ATP7A: variants seen among roughly 807,000 people sequenced by gnomAD.
The protein encoded by ATP7A is copper-transporting ATPase 1.
Under a neutral mutation model 83.5 loss-of-function variants are expected in ATP7A, and 7 were observed. That is an observed-to-expected ratio of 0.08 (90% CI 0.05 to 0.16). The LOEUF is 0.16. Ranked by LOEUF, ATP7A falls within the 10% of genes least tolerant of loss-of-function variation. The probability of loss-of-function intolerance (pLI) is 1.00; values close to 1 mark genes in which losing one functional copy is unlikely to be tolerated. For missense variants in ATP7A, 940 were observed against 1,120.8 expected (o/e 0.84, Z 2.30); for synonymous variants, 354 against 395.2 (o/e 0.90, Z 1.24).
chrX:77,999,145 C>A (rs2077723576), intron 5 of ATP7A, among the ~76,000 whole-genome samples: 1 of 109,337 alleles, frequency 9.1e-6, no homozygotes. Context: ...TACAGGCATG[C>A]ACCACCACGC....
chrX:77,933,250 C>T (rs1318968866), intron 1 of ATP7A, among the ~76,000 whole-genome samples: 1 of 111,781 alleles, frequency 8.9e-6, no homozygotes, highest in East Asian at 2.8e-4. Flanking sequence ...GGCCACACAG[C>T]TAGCAAGCAG....
At chrX:78,025,352 C>T (rs782728303) in intron 14 of ATP7A, among the ~76,000 whole-genome samples, 1 of 111,858 alleles carries the variant, frequency 8.9e-6, no homozygotes, top group Admixed American at 9.5e-5. Context: ...GTTTTCACAC[C>T]GCCAAACGAT....
chrX:78,045,656 A>G, intron 22 of ATP7A, 84 bp downstream of exon 22: 3 of 892,350 alleles, frequency 3.4e-6, no homozygotes, highest in Non-Finnish European at 3.3e-6. Flanking sequence ...TCTTGTATTG[A>G]TCAATGATAA....
intron 12 of ATP7A, among the ~76,000 whole-genome samples, chrX:78,017,793 T>C (rs2077877949): frequency 1.1e-5 from 1 of 94,572 alleles, no homozygotes; most frequent in African/African-American, 3.9e-5. Flanking sequence ...TTTTTTTTTT[T>C]TGAGACGGAG....
At position 78,047,207 on chromosome X, in the gene ATP7A, A is replaced by T. The variant is rs2078088661; in HGVS notation, c.*637A>T. 8.9e-6 allele frequency: 1 copy of T among 112,056 alleles called. No individual in the cohort carries two copies. Among genetic ancestry groups the T allele is most frequent in the Non-Finnish European group, 1.9e-5 (1 of 53,170 alleles). 9.2% of individuals were successfully genotyped at this position (112,056 alleles called of 1,213,427 possible). ...TTGTTATTTTCTTTCGAGCTAACCAAGTTTAGGTGGTTTTTCATTGATTAA... is the reference window on the plus strand; with the variant it reads ...TTGTTATTTTCTTTCGAGCTAACCATGTTTAGGTGGTTTTTCATTGATTAA... On this transcript the variant is annotated 3_prime_UTR_variant, in exon 23 of 23. Transcript: ENST00000341514.
intron 15 of ATP7A, among the ~76,000 whole-genome samples, chrX:78,030,201 G>A (rs1284965796): frequency 8.9e-6 from 1 of 111,941 alleles, no homozygotes; most frequent in Non-Finnish European, 1.9e-5. Flanking sequence ...TGAGGCAGGC[G>A]GACCACGAGG....
intron 4 of ATP7A, among the ~76,000 whole-genome samples, chrX:77,996,299 G>A (rs1238674854): frequency 9.0e-6 from 1 of 111,312 alleles, no homozygotes; most frequent in Non-Finnish European, 1.9e-5. Flanking sequence ...GATTATTTAT[G>A]TATTCTTCAC....
intron 1 of ATP7A, among the ~76,000 whole-genome samples, chrX:77,953,089 T>TC (rs2077422186): frequency 8.9e-6 from 1 of 112,120 alleles, no homozygotes; most frequent in Non-Finnish European, 1.9e-5. Flanking sequence ...GCCTGTTTTT[T>TC]CAACTTATTC....
intron 1 of ATP7A, among the ~76,000 whole-genome samples, chrX:77,953,074 G>C (rs1371350261): frequency 8.9e-6 from 1 of 111,900 alleles, no homozygotes; most frequent in East Asian, 2.8e-4. Context: ...GAGCCACCAT[G>C]TCTAGCCTGT....
rs936157944 is a variant in ATP7A at position 78,045,569 on chromosome X, A to C, written c.4223A>C (p.Lys1408Thr). The change falls in exon 22 of 23, where the codon AAA becomes ACA. Residue 1408 changes from lysine (K) to threonine (T), a missense_variant. This residue lies in a region of ATP7A where 386 missense variants were observed against 502.2 expected (regional missense o/e 0.77). Transcript: ENST00000341514. Reference sequence around the variant, plus strand: ...GTAGTACTTTCTTCTCTCTTCCTTAAACTGTAAGTATGATAGCTTGCTCAC... The same window carrying C: ...GTAGTACTTTCTTCTCTCTTCCTTACACTGTAAGTATGATAGCTTGCTCAC... ...VSVVLSSLFL[K>T]LYRKPTYESY... The C allele has an allele frequency of 5.1e-6, 6 of 1,184,703 alleles. No individual in the cohort carries two copies. In the African/African-American group the frequency reaches 1.1e-4, roughly 21 times the overall value.
chrX:77,921,925 TA>T (rs1427281355), intron 1 of ATP7A, among the ~76,000 whole-genome samples: 1 of 110,105 alleles, frequency 9.1e-6, no homozygotes, highest in Non-Finnish European at 1.9e-5. Flanking sequence ...AAAATAAAAA[TA>T]AAAATATTAG....
At chrX:77,964,538 A>T (rs2149068492) in intron 1 of ATP7A, 1 of 110,468 alleles carries the variant, frequency 9.1e-6, no homozygotes, top group East Asian at 2.8e-4. Flanking sequence ...CACCTACATT[A>T]GGTATTTCTC....
At chrX:78,046,170 C>T (rs1370075414) in intron 22 of ATP7A, 124 bp from the exon 23 acceptor site, 1 of 795,108 alleles carries the variant, frequency 1.3e-6, no homozygotes, top group Non-Finnish European at 1.8e-6. Flanking sequence ...TACCAGTGAT[C>T]ACCTTTATAC....
chrX:78,020,923 T>C, intron 13 of ATP7A, 22 bp from the exon 14 acceptor site: 1 of 1,193,308 alleles, frequency 8.4e-7, no homozygotes, highest in African/African-American at 1.7e-5. Flanking sequence ...CTTCTTATTA[T>C]TGTTGTTATT....
At chrX:78,016,412 A>G (rs1296752175) in intron 12 of ATP7A, among the ~76,000 whole-genome samples, 2 of 110,302 alleles carry the variant, frequency 1.8e-5, no homozygotes, top group Non-Finnish European at 3.8e-5. Context: ...ATATCATCCC[A>G]CCCTTGACCC....
chrX:77,992,211 C>T (rs1386308332), intron 4 of ATP7A, among the ~76,000 whole-genome samples: 1 of 108,633 alleles, frequency 9.2e-6, no homozygotes, highest in East Asian at 2.9e-4. Context: ...ATTACAGGCG[C>T]CTGACACCAT....
chrX:77,990,843 G>T (rs189184104), intron 4 of ATP7A, among the ~76,000 whole-genome samples: 352 of 111,834 alleles, frequency 3.1e-3, no homozygotes, highest in Middle Eastern at 4.7e-3. Context: ...ATTAATCTTT[G>T]CTATCCTGAT....
In ATP7A at chrX:77,998,511, C is replaced by T. The variant is rs140031139; in HGVS notation, c.1370C>T (p.Pro457Leu). 8.3e-7 allele frequency: 1 copy of T among 1,211,796 alleles called. No individual in the cohort carries two copies. Among genetic ancestry groups the T allele is most frequent in the Non-Finnish European group, 1.1e-6 (1 of 895,465 alleles). The change falls in exon 5 of 23, where the codon CCT (proline) becomes CTT (leucine). Residue 457 changes from proline to leucine, a missense_variant. This residue lies in a region of ATP7A where 350 missense variants were observed against 432.8 expected (regional missense o/e 0.81). Transcript: ENST00000341514. ...TNEPLVVIAQ[P>L]SSEMPLLTST... ...GAGCCGTTGGTAGTAATAGCTCAGC[C>T]TTCATCGGAAATGCCGCTTTTGACT...
intron 14 of ATP7A, among the ~76,000 whole-genome samples, chrX:78,026,914 C>T (rs782723234): frequency 4.5e-5 from 5 of 111,231 alleles, no homozygotes; most frequent in Non-Finnish European, 7.6e-5. Flanking sequence ...TTTGGGAGGC[C>T]GAGGCGGGTG....
Sources: allele counts gnomAD v4.1 joint callset (sites outside exome capture counted in the v4.1 genomes callset), GRCh38; gene constraint gnomAD v4.1.1; regional missense constraint gnomAD v4.1.1; transcripts MANE v1.5; gene names NCBI Gene and HGNC (gene_info 2026-07-23, HGNC 2026-07-21).